Variants in SERGEF observed in about 807,000 individuals in gnomAD.
SERGEF encodes the protein secretion-regulating guanine nucleotide exchange factor.
Under a neutral mutation model 50.0 loss-of-function variants are expected in SERGEF, and 51 were observed. The ratio of observed to expected loss-of-function variants is 1.02; its 90% CI spans 0.81 to 1.29. The LOEUF (loss-of-function observed/expected upper bound fraction) is 1.29. SERGEF is among the 50% of genes most tolerant of loss of function. The pLI, the probability that SERGEF is intolerant of heterozygous loss-of-function variation, is 0.00. For missense variants in SERGEF, 521 were observed against 557.0 expected (o/e 0.94, Z 0.65); for synonymous variants, 205 against 212.4 (o/e 0.97, Z 0.30).
intron 6 of SERGEF, among the ~76,000 whole-genome samples, chr11:17,993,802 G>A: frequency 6.6e-6 from 1 of 152,118 alleles, no homozygotes; most frequent in Non-Finnish European, 1.5e-5. Flanking sequence ...GGCCAGGTGA[G>A]GAGGGAACAG....
chr11:17,952,841 C>T (rs1169804384), intron 9 of SERGEF, among the ~76,000 whole-genome samples: 5 of 152,144 alleles, frequency 3.3e-5, no homozygotes, highest in Admixed American at 6.6e-5. Context: ...CTCCAACCTC[C>T]GTGACCTCCC....
chr11:17,805,888 T>C (rs576110009), intron 10 of SERGEF, among the ~76,000 whole-genome samples: 2 of 152,336 alleles, frequency 1.3e-5, no homozygotes, highest in South Asian at 4.1e-4. Context: ...GGAAACCTTT[T>C]GTATGTTATA....
chr11:17,925,719 A>G (rs544709108), intron 9 of SERGEF, among the ~76,000 whole-genome samples: 8 of 152,304 alleles, frequency 5.3e-5, no homozygotes, highest in Admixed American at 3.3e-4. Context: ...TAAAAAAACC[A>G]TATCTGTTTA....
intron 10 of SERGEF, among the ~76,000 whole-genome samples, chr11:17,832,386 C>T (rs1481970030): frequency 2.0e-5 from 3 of 152,202 alleles, no homozygotes; most frequent in Non-Finnish European, 2.9e-5. Context: ...GATTGTGAGG[C>T]CTCCCCAGCC....
chr11:17,815,362 GC>G (rs1849951934), intron 10 of SERGEF, among the ~76,000 whole-genome samples: 1 of 150,882 alleles, frequency 6.6e-6, no homozygotes, highest in Non-Finnish European at 1.5e-5. Context: ...ACTTTCGGAG[GC>G]CGAGGCAGGC....
At chr11:17,822,692 A>G (rs1181205729) in intron 10 of SERGEF, among the ~76,000 whole-genome samples, 1 of 152,202 alleles carries the variant, frequency 6.6e-6, no homozygotes, top group Non-Finnish European at 1.5e-5. Context: ...CATCAGGCAC[A>G]CTGTCTCACT....
intron 10 of SERGEF, among the ~76,000 whole-genome samples, chr11:17,859,866 A>G (rs1850895117): frequency 1.3e-5 from 2 of 152,266 alleles, no homozygotes; most frequent in Admixed American, 1.3e-4. Flanking sequence ...TAGAGTAAGT[A>G]TATTTTCAGA....
At chr11:17,929,148 C>G (rs184110659) in intron 9 of SERGEF, among the ~76,000 whole-genome samples, 45 of 152,250 alleles carry the variant, frequency 3.0e-4, no homozygotes, top group African/African-American at 1.0e-3. Flanking sequence ...GGTGGAATAG[C>G]CTTTATTTTT....
intron 9 of SERGEF, among the ~76,000 whole-genome samples, chr11:17,935,130 T>C (rs1341275757): frequency 3.3e-5 from 5 of 152,184 alleles, no homozygotes; most frequent in Non-Finnish European, 7.3e-5. Context: ...TTTTTATCTG[T>C]TTTAGATTTT....
intron 10 of SERGEF, among the ~76,000 whole-genome samples, chr11:17,849,013 T>C (rs1049875935): frequency 2.6e-5 from 4 of 152,338 alleles, no homozygotes; most frequent in Middle Eastern, 3.4e-3. Flanking sequence ...ATTGCTTTTC[T>C]ACAAATCATA....
At chr11:17,929,708 C>G (rs1409179065) in intron 9 of SERGEF, among the ~76,000 whole-genome samples, 3 of 152,126 alleles carry the variant, frequency 2.0e-5, no homozygotes, top group Non-Finnish European at 2.9e-5. Flanking sequence ...CCACTCTAGC[C>G]TTCCTTCAGG....
At chr11:17,830,649 G>GGAGAGAGAGAGGGGGGGAGAGAGA (rs1850285675) in intron 10 of SERGEF, among the ~76,000 whole-genome samples, 4 of 77,722 alleles carry the variant, frequency 5.1e-5, no homozygotes, top group African/African-American at 2.3e-4. Flanking sequence ...GGAGAGGGAG[G>GGAGAGAGAGAGGGGGGGAGAGAGA]GAGAGAGAGA....
intron 4 of SERGEF, chr11:18,000,931 T>C: frequency 2.6e-6 from 1 of 390,508 alleles, no homozygotes. Context: ...CTCTAGACTA[T>C]ACATAAATGA....
At chr11:17,881,766 A>T (rs1212161241) in intron 9 of SERGEF, among the ~76,000 whole-genome samples, 1 of 152,082 alleles carries the variant, frequency 6.6e-6, no homozygotes, top group Non-Finnish European at 1.5e-5. Flanking sequence ...TGCCTTACAG[A>T]CTCGCTAGAG....
chr11:17,900,840 C>G (rs1851736338), intron 9 of SERGEF, among the ~76,000 whole-genome samples: 1 of 152,186 alleles, frequency 6.6e-6, no homozygotes, highest in East Asian at 1.9e-4. Context: ...ACAAAGACTA[C>G]TTGAGAGTTT....
At chr11:17,976,922 G>A (rs1454333587) in intron 8 of SERGEF, among the ~76,000 whole-genome samples, 1 of 152,238 alleles carries the variant, frequency 6.6e-6, no homozygotes, top group Non-Finnish European at 1.5e-5. Context: ...AGATAGGCAG[G>A]AGCAAAGCTG....
intron 9 of SERGEF, among the ~76,000 whole-genome samples, chr11:17,949,025 C>G (rs1270607844): frequency 6.6e-6 from 1 of 152,104 alleles, no homozygotes; most frequent in African/African-American, 2.4e-5. Flanking sequence ...ATTATGTAAC[C>G]ATACAAAGAT....
chr11:17,967,455 T>G (rs1036804916), intron 8 of SERGEF, among the ~76,000 whole-genome samples: 6 of 152,224 alleles, frequency 3.9e-5, no homozygotes, highest in African/African-American at 9.6e-5. Flanking sequence ...TTGACCTATA[T>G]GGCAAAGGTC....
At chr11:17,941,158 G>A (rs1285887166) in intron 9 of SERGEF, among the ~76,000 whole-genome samples, 1 of 152,160 alleles carries the variant, frequency 6.6e-6, no homozygotes, top group African/African-American at 2.4e-5. Context: ...AAAATAAGTT[G>A]TAGATACAAG....
Sources: allele counts gnomAD v4.1 joint callset (sites outside exome capture counted in the v4.1 genomes callset), GRCh38; gene constraint gnomAD v4.1.1; transcripts MANE v1.5; gene names NCBI Gene and HGNC (gene_info 2026-07-23, HGNC 2026-07-21).